LY6H: variants seen among roughly 807,000 people sequenced by gnomAD.
The protein encoded by LY6H is lymphocyte antigen 6 family member H.
Under a neutral mutation model 14.6 loss-of-function variants are expected in LY6H, and 8 were observed. That is an observed-to-expected ratio of 0.55 (90% CI 0.32 to 0.99). The LOEUF is 0.99. LY6H is among the 50% of genes least tolerant of loss of function. LY6H has a pLI of 0.04. For synonymous variants in LY6H, 115 were observed against 97.2 expected (o/e 1.18, Z -1.08); for missense variants, 196 against 219.6 (o/e 0.89, Z 0.68).
At chr8:143,159,833 A>G in intron 1 of LY6H, 124 bp from the exon 2 acceptor site, 1 of 1,185,686 alleles carries the variant, frequency 8.4e-7, no homozygotes, top group Non-Finnish European at 1.1e-6. Context: ...CCCCACCCCC[A>G]GCCCCTTCTC....
Position 143,159,674 on chromosome 8 carries a change from CG to C in LY6H, c.37del (p.Arg13AlafsTer15), listed in dbSNP as rs1451912433. ...GCTCCGGGTGGGCCTGGGGGCGGCGCGGGGGCTTGGGGCGCGGGTCCTCTGG... is the reference window on the plus strand; with the variant it reads ...GCTCCGGGTGGGCCTGGGGGCGGCGCGGGGCTTGGGGCGCGGGTCCTCTGG... ...APQRTRAPSP[R>X]AAPRPTRSML... is the part of the protein sequence containing the mutation. On this transcript the variant is annotated frameshift_variant, in exon 2 of 4. Coordinates refer to ENST00000342752, the MANE Select transcript of LY6H (RefSeq NM_001135655.2). LOFTEE classifies it high-confidence loss of function. 3 of 1,398,266 alleles carry C rather than the reference CG, an allele frequency of 2.1e-6. No homozygotes were observed. Among genetic ancestry groups the C allele is most frequent in the Admixed American group, 3.4e-5 (1 of 29,190 alleles). The allele number at this position is 1,398,266 out of a possible 1,614,324, so 86.6% of individuals were successfully genotyped here.
In LY6H at chr8:143,157,993, A is replaced by T; in HGVS notation, c.*257T>A. The T allele has an allele frequency of 2.2e-6, 1 of 458,036 alleles. No individual in the cohort carries two copies. The highest frequency in any genetic ancestry group is 3.8e-6 in the Non-Finnish European group (1 of 262,430). 28.4% of individuals were successfully genotyped at this position (458,036 alleles called of 1,614,324 possible). On this transcript the variant is annotated 3_prime_UTR_variant, in exon 4 of 4. Coordinates refer to ENST00000342752, the MANE Select transcript of LY6H (RefSeq NM_001135655.2). The stretch of plus-strand genomic sequence containing the variant: ...GCTGTTGCTTCACTTCCCCTCCGGG[A>T]CCTGGGGGTCCCCCCCCACCCTCAT...
At chr8:143,159,737 A>G (rs1815551356) in intron 1 of LY6H, 28 bp from the exon 2 acceptor site, 3 of 1,331,006 alleles carry the variant, frequency 2.3e-6, no homozygotes, top group South Asian at 1.9e-5. Flanking sequence ...CGGTCAGGAG[A>G]CCCCAAAGAC....
intron 2 of LY6H, 79 bp from the exon 3 acceptor site, chr8:143,159,001 C>A (rs1366332302): frequency 6.5e-7 from 1 of 1,546,436 alleles, no homozygotes; most frequent in East Asian, 2.4e-5. Flanking sequence ...CCCACCCATC[C>A]CCCTGCTGCA....
chr8:143,159,418 AG>A, intron 2 of LY6H, 163 bp downstream of exon 2: 1 of 760,470 alleles, frequency 1.3e-6, no homozygotes, highest in Non-Finnish European at 2.0e-6. Flanking sequence ...GCCGGGGCAG[AG>A]GGGCCGAGGG....
chr8:143,159,203 C>A (rs1004914355), intron 2 of LY6H: 4 of 577,848 alleles, frequency 6.9e-6, no homozygotes, highest in African/African-American at 1.9e-5. Context: ...ACAGACCCCA[C>A]ACCGACAGTG....
In LY6H at chr8:143,160,249, G is replaced by T; in HGVS notation, c.-50C>A. On this transcript the variant is annotated 5_prime_UTR_variant, in exon 1 of 4. Transcript: ENST00000342752. ...TCGGGCGGCGTGCGCGGCGCGGGGAGCTGTGCCCTTCGGTCTCCCTGCGGA... is the reference window on the plus strand; with the variant it reads ...TCGGGCGGCGTGCGCGGCGCGGGGATCTGTGCCCTTCGGTCTCCCTGCGGA... 1 of 1,273,872 alleles carries T rather than the reference G, an allele frequency of 7.9e-7. No individual in the cohort carries two copies. Among genetic ancestry groups the T allele is most frequent in the Non-Finnish European group, 9.9e-7 (1 of 1,008,904 alleles). 78.9% of individuals were successfully genotyped at this position (1,273,872 alleles called of 1,614,324 possible). A position where few individuals can be genotyped will look rare whatever the true frequency, so the allele number is the denominator to read the frequency against.
In LY6H at chr8:143,158,296, C is replaced by A. The variant is rs780038027; in HGVS notation, c.440G>T (p.Gly147Val). Residue 147 changes from glycine to valine, a missense_variant, in exon 4 of 4, where the codon GGG becomes GTG. By Grantham distance (109) the Gly-to-Val change is moderately radical. Transcript: ENST00000342752. Reference sequence around the variant, plus strand: ...GGCAGGCCCCAGGCTGAGCAGGAGCCCCCCGGCCAGGGCCCAGGGGCTGTG... The same window carrying A: ...GGCAGGCCCCAGGCTGAGCAGGAGCACCCCGGCCAGGGCCCAGGGGCTGTG... ...AGHSPWALAG[G>V]LLLSLGPALL... 1 of 1,613,446 alleles carries A rather than the reference C, an allele frequency of 6.2e-7. No homozygotes were observed. The highest frequency in any genetic ancestry group is 8.5e-7 in the Non-Finnish European group (1 of 1,179,794).
intron 2 of LY6H, 138 bp from the exon 3 acceptor site, chr8:143,159,060 AC>A (rs1316924530): frequency 4.0e-6 from 5 of 1,234,690 alleles, no homozygotes; most frequent in Admixed American, 4.0e-5. Flanking sequence ...GGCCCCCATG[AC>A]CCCTGGAGGG....
chr8:143,160,030 G>T, intron 1 of LY6H, 168 bp downstream of exon 1: 4 of 1,116,348 alleles, frequency 3.6e-6, no homozygotes, highest in Non-Finnish European at 4.5e-6. Context: ...GAGCGGGTGG[G>T]ACCTGCCACT....
intron 3 of LY6H, 27 bp from the exon 4 acceptor site, chr8:143,158,512 C>T (rs369899589): frequency 5.4e-5 from 85 of 1,570,108 alleles, no homozygotes; most frequent in Middle Eastern, 1.7e-4. Context: ...TGGCCTGGGA[C>T]GGGGGCTCCT....
chr8:143,159,574 C>G lies in LY6H; in HGVS notation c.130+8G>C, dbSNP rs917904616. On this transcript the variant is annotated splice_region_variant and intron_variant, in intron 2 of 3. Transcript: ENST00000342752. ...GCACCTGACCCAGCCCGCGGGCCCCCTACTCACCGGGCGCCGAGCACAGCA... is the reference window on the plus strand; with the variant it reads ...GCACCTGACCCAGCCCGCGGGCCCCGTACTCACCGGGCGCCGAGCACAGCA... 162 of 1,499,774 alleles carry G rather than the reference C, an allele frequency of 1.1e-4. No homozygotes were observed. In the Admixed American group the frequency reaches 1.3e-3, roughly 12 times the overall value. The allele number at this position is 1,499,774 out of a possible 1,614,324, so 92.9% of individuals were successfully genotyped here.
At position 143,158,370 on chromosome 8, in the gene LY6H, G is replaced by A. The variant is rs368165363; in HGVS notation, c.366C>T (p.Asp122=). ...GFINSGILKV[D]VDCCEKDLCN... is the part of the protein sequence containing the mutation. ...ACAAATCCTTCTCGCAGCAGTCCAC[G>A]TCGACCTTTAAGATCCCAGAGTTAA... The change falls in exon 4 of 4, where the codon GAC becomes GAT. Residue 122 remains aspartate, a synonymous_variant. Coordinates refer to ENST00000342752, the MANE Select transcript of LY6H (RefSeq NM_001135655.2). The A allele has an allele frequency of 8.5e-5, 137 of 1,613,868 alleles. No homozygotes were observed. Among genetic ancestry groups the A allele is most frequent in the Middle Eastern group, 3.3e-4 (2 of 6,084 alleles).
At chr8:143,160,171 G>A (rs1017972271) in intron 1 of LY6H, 27 bp downstream of exon 1, 5 of 1,280,396 alleles carry the variant, frequency 3.9e-6, no homozygotes, top group Non-Finnish European at 3.9e-6. Context: ...GTGGAGCGCG[G>A]GCCTCGGGGT....
At chr8:143,159,930 C>T in intron 1 of LY6H, 2 of 1,232,912 alleles carry the variant, frequency 1.6e-6, no homozygotes, top group South Asian at 3.6e-5. Flanking sequence ...CGCCCCGCGC[C>T]GGCACCTGTG....
At position 143,159,629 on chromosome 8, in the gene LY6H, T is replaced by C. The variant is rs903914958; in HGVS notation, c.83A>G (p.Lys28Arg). The C allele has an allele frequency of 8.7e-5, 129 of 1,477,482 alleles. No individual in the cohort carries two copies. Among genetic ancestry groups the C allele is most frequent in the Non-Finnish European group, 1.1e-4 (123 of 1,123,212 alleles). The allele number at this position is 1,477,482 out of a possible 1,614,324, so 91.5% of individuals were successfully genotyped here. A position where few individuals can be genotyped will look rare whatever the true frequency, so the allele number is the denominator to read the frequency against. Residue 28 changes from lysine (K) to arginine (R), a missense_variant, in exon 2 of 4, where the codon AAG (lysine) becomes AGG (arginine). Transcript: ENST00000342752. ...PTRSMLPAAM[K>R]GLGLALLAVL... is the part of the protein sequence containing the mutation. ...GGCCAGCAGCGCCAGGCCGAGGCCC[T>C]TCATGGCTGCAGGCAGCATGCTCCG...
chr8:143,159,447 G>C, intron 2 of LY6H, 135 bp downstream of exon 2: 1 of 1,052,630 alleles, frequency 9.5e-7, no homozygotes, highest in Non-Finnish European at 1.3e-6. Flanking sequence ...GGGGTCGCAG[G>C]GGTCCCGGAG....
chr8:143,158,754 A>G, intron 3 of LY6H, 49 bp downstream of exon 3: 2 of 1,551,324 alleles, frequency 1.3e-6, no homozygotes. Flanking sequence ...GACCTCTCTC[A>G]AGAGCCTGGC....
chr8:143,158,985 G>A (rs766124619), intron 2 of LY6H, 63 bp from the exon 3 acceptor site: 27 of 1,571,654 alleles, frequency 1.7e-5, no homozygotes, highest in South Asian at 2.3e-5. Flanking sequence ...GCAGCCCCCT[G>A]CGCCCCCCAC....
Sources: gnomAD v4.1 joint callset for allele counts on GRCh38, gnomAD v4.1.1 for gene constraint, MANE v1.5 for transcripts, NCBI Gene and HGNC (gene_info 2026-07-23, HGNC 2026-07-21) for gene names.